NFX1: variants seen among roughly 807,000 people sequenced by gnomAD.
NFX1 encodes nuclear transcription factor, X-box binding 1.
A neutral mutation model predicts 137.2 loss-of-function variants in NFX1; 69 were observed. The observed-to-expected ratio is 0.50, with a 90% confidence interval of 0.41 to 0.61. The LOEUF is 0.61. Ranked by LOEUF, NFX1 falls within the 20% of genes least tolerant of loss-of-function variation. NFX1 has a pLI of 0.00. For synonymous variants in NFX1, 495 were observed against 474.1 expected (o/e 1.04, Z -0.57); for missense variants, 1,167 against 1,391.0 (o/e 0.84, Z 2.56).
At chr9:33,303,119 A>T (rs1382955885) in intron 3 of NFX1, 72 bp from the exon 4 acceptor site, 2 of 1,189,880 alleles carry the variant, frequency 1.7e-6, no homozygotes, top group African/African-American at 3.0e-5. Flanking sequence ...CTTCCTATAG[A>T]TTTAAATTTT....
At chr9:33,337,289 G>A (rs1203344424) in intron 11 of NFX1, among the ~76,000 whole-genome samples, 1 of 152,152 alleles carries the variant, frequency 6.6e-6, no homozygotes, top group Non-Finnish European at 1.5e-5. Flanking sequence ...TTTTCTAATA[G>A]CATTTACATT....
chr9:33,352,443 C>T (rs747481308), intron 16 of NFX1: 5 of 672,526 alleles, frequency 7.4e-6, no homozygotes, highest in Admixed American at 2.0e-5. Flanking sequence ...CAAAAGGGGG[C>T]ATTGTGGACG....
intron 2 of NFX1, among the ~76,000 whole-genome samples, chr9:33,296,043 C>T (rs1046660899): frequency 5.9e-5 from 9 of 152,304 alleles, no homozygotes; most frequent in African/African-American, 2.2e-4. Context: ...TCTCCTGCAT[C>T]AGCCTCCCGA....
intron 5 of NFX1, among the ~76,000 whole-genome samples, chr9:33,308,297 C>A (rs1821834382): frequency 6.6e-6 from 1 of 152,122 alleles, no homozygotes; most frequent in Non-Finnish European, 1.5e-5. Flanking sequence ...TTAAAATTAG[C>A]CAGCTGTGGT....
intron 6 of NFX1, among the ~76,000 whole-genome samples, chr9:33,312,697 C>T (rs1822006341): frequency 1.3e-5 from 2 of 152,180 alleles, no homozygotes; most frequent in African/African-American, 4.8e-5. Context: ...ATGGTGAAAC[C>T]CCGTCTCTAC....
chr9:33,297,596 G>A (rs1455845614), intron 2 of NFX1, among the ~76,000 whole-genome samples: 1 of 152,154 alleles, frequency 6.6e-6, no homozygotes, highest in East Asian at 1.9e-4. Context: ...CTCATCTGAG[G>A]CTCAGGGTTC....
At chr9:33,313,946 TA>T (rs1822058303) in intron 7 of NFX1, among the ~76,000 whole-genome samples, 153 bp downstream of exon 7, 1 of 152,174 alleles carries the variant, frequency 6.6e-6, no homozygotes, top group African/African-American at 2.4e-5. Flanking sequence ...CGGTTTTTAT[TA>T]TTTTACCTGC....
intron 10 of NFX1, among the ~76,000 whole-genome samples, chr9:33,330,361 G>A (rs944163099): frequency 6.6e-6 from 1 of 152,144 alleles, no homozygotes; most frequent in Admixed American, 6.6e-5. Flanking sequence ...TAGTTTAATA[G>A]GAAAACTTCA....
At position 33,294,950 on chromosome 9, in the gene NFX1, G is replaced by A. The variant is rs750040440; in HGVS notation, c.556G>A (p.Gly186Arg). ...CTATGGTAGAGGACCAAAAGTCAAG[G>A]GGAAACTCAAATGTGAATGGAGTAA... ...YSYGRGPKVK[G>R]KLKCEWSNRT... Residue 186 changes from glycine to arginine, a missense_variant, in exon 2 of 24, where the codon GGG (glycine) becomes AGG (arginine). This residue lies in a region of NFX1 where 367 missense variants were observed against 386.7 expected (regional missense o/e 0.95). Coordinates refer to ENST00000379540, the MANE Select transcript of NFX1 (RefSeq NM_002504.6). 4.6e-5 allele frequency: 75 copies of A among 1,613,980 alleles called. No individual in the cohort carries two copies. The highest frequency in any genetic ancestry group is 6.2e-5 in the Non-Finnish European group (73 of 1,180,014).
intron 4 of NFX1, among the ~76,000 whole-genome samples, chr9:33,306,580 C>G (rs1352382701): frequency 2.0e-5 from 3 of 152,094 alleles, no homozygotes; most frequent in Non-Finnish European, 2.9e-5. Context: ...GCAAATTGCC[C>G]AAGTGAGGAT....
At chr9:33,315,359 A>G (rs1245470521) in intron 7 of NFX1, among the ~76,000 whole-genome samples, 1 of 152,078 alleles carries the variant, frequency 6.6e-6, no homozygotes, top group African/African-American at 2.4e-5. Context: ...CTGTATTTTT[A>G]GGTAGGCTGT....
At chr9:33,305,098 T>G (rs1821705430) in intron 4 of NFX1, among the ~76,000 whole-genome samples, 1 of 152,246 alleles carries the variant, frequency 6.6e-6, no homozygotes, top group African/African-American at 2.4e-5. Context: ...TATTGAGAAC[T>G]TATTAATGTT....
chr9:33,352,245 G>C (rs752139108), intron 16 of NFX1, among the ~76,000 whole-genome samples: 4 of 152,174 alleles, frequency 2.6e-5, no homozygotes, highest in Non-Finnish European at 5.9e-5. Flanking sequence ...TGTGGAGGGG[G>C]CTATGAGAGC....
At chr9:33,343,184 T>C (rs968632783) in intron 13 of NFX1, among the ~76,000 whole-genome samples, 3 of 152,264 alleles carry the variant, frequency 2.0e-5, no homozygotes, top group South Asian at 2.1e-4. Flanking sequence ...TTGCAAACTT[T>C]TTGGTTGTAG....
chr9:33,325,123 A>G lies in NFX1; in HGVS notation c.1907-3458A>G, dbSNP rs536731655. Among the ~76,000 whole-genome samples, 11 of 152,302 alleles carry G rather than the reference A, an allele frequency of 7.2e-5. No homozygotes were observed. The South Asian group carries it at 1.9e-3, about 26-fold the overall frequency. On this transcript the variant is annotated intron_variant, in intron 9 of 23. Transcript: ENST00000379540. ...ATAATAGATAAAAACTTTCAAATGTATTGAAAAACACTACACATCCAGGAA... is the reference window on the plus strand; with the variant it reads ...ATAATAGATAAAAACTTTCAAATGTGTTGAAAAACACTACACATCCAGGAA...
At chr9:33,293,552 G>C (rs531030983) in intron 1 of NFX1, among the ~76,000 whole-genome samples, 1 of 152,340 alleles carries the variant, frequency 6.6e-6, no homozygotes, top group African/African-American at 2.4e-5. Context: ...TAAAATAAGT[G>C]ATAAGTGACT....
At chr9:33,307,790 CTTTCTTT>C (rs1821807787) in intron 5 of NFX1, among the ~76,000 whole-genome samples, 1 of 120,240 alleles carries the variant, frequency 8.3e-6, no homozygotes, top group Non-Finnish European at 1.6e-5. Context: ...TTCTTTCTTT[CTTTCTTT>C]TTTTTTTTTT....
chr9:33,327,118 G>A (rs560926673), intron 9 of NFX1, among the ~76,000 whole-genome samples: 4 of 152,236 alleles, frequency 2.6e-5, no homozygotes, highest in Non-Finnish European at 4.4e-5. Context: ...TAAAAAAGAC[G>A]AACATAAATC....
At chr9:33,362,041 A>T (rs544085813) in intron 19 of NFX1, among the ~76,000 whole-genome samples, 1 of 151,570 alleles carries the variant, frequency 6.6e-6, no homozygotes, top group South Asian at 2.1e-4. Context: ...GGATGGCTTA[A>T]GCCCAGGAGG....
Sources: allele counts gnomAD v4.1 joint callset (sites outside exome capture counted in the v4.1 genomes callset), GRCh38; gene constraint gnomAD v4.1.1; regional missense constraint gnomAD v4.1.1; transcripts MANE v1.5; gene names NCBI Gene and HGNC (gene_info 2026-07-23, HGNC 2026-07-21).